The following ZCCHC8 variants were observed in gnomAD, a reference collection of about 807,000 sequenced individuals.
ZCCHC8 encodes the protein zinc finger CCHC-type containing 8, also known as zinc finger CCHC domain-containing protein 8.
ZCCHC8 carries 27 observed loss-of-function variants against 70.6 expected under a neutral mutation model. That is an observed-to-expected ratio of 0.38 (90% CI 0.28 to 0.53). The LOEUF is 0.53. Among genes scored for constraint, ZCCHC8 ranks in the 20% least tolerant of loss-of-function variants. The pLI, the probability that ZCCHC8 is intolerant of heterozygous loss-of-function variation, is 0.81. For missense variants in ZCCHC8, 737 were observed against 876.9 expected (o/e 0.84, Z 2.01); for synonymous variants, 293 against 317.4 (o/e 0.92, Z 0.82).
rs1957353380 is a variant in ZCCHC8, at chr12:122,473,584, T to C, written c.2037A>G (p.Ala679=). The change falls in exon 14 of 14, where the codon GCA becomes GCG. Residue 679 remains alanine, a synonymous_variant. Coordinates refer to ENST00000633063, the MANE Select transcript of ZCCHC8 (RefSeq NM_017612.5). ...TCCTGAGGTACATTCCAGTAGATTCTGCCATATTCTCAAATTCAAATGGCG... is the reference window on the plus strand; with the variant it reads ...TCCTGAGGTACATTCCAGTAGATTCCGCCATATTCTCAAATTCAAATGGCG... ...GITPFEFENM[A]ESTGMYLRIR... is the part of the protein sequence containing the mutation. 6.2e-7 allele frequency: 1 copy of C among 1,614,044 alleles called. No individual in the cohort carries two copies. The highest frequency in any genetic ancestry group is 2.2e-5 in the East Asian group (1 of 44,890).
chr12:122,498,707 C>T (rs1264404994), intron 2 of ZCCHC8, 120 bp downstream of exon 2: 3 of 983,000 alleles, frequency 3.1e-6, no homozygotes, highest in Non-Finnish European at 3.1e-6. Flanking sequence ...TCAGAGTATG[C>T]TAAACAAATA....
rs772612687 is a variant in ZCCHC8 at position 122,474,087 on chromosome 12, C to G, written c.1534G>C (p.Glu512Gln). Residue 512 changes from glutamate to glutamine, a missense_variant, in exon 14 of 14, where the codon GAG (glutamate) becomes CAG (glutamine). Transcript: ENST00000633063. Reference sequence around the variant, plus strand: ...AGTTCTTCTAGAGTCAGTGCGTCCTCATCCACAGCTCCAGATGCTGTTCTG... The same window carrying G: ...AGTTCTTCTAGAGTCAGTGCGTCCTGATCCACAGCTCCAGATGCTGTTCTG... ...QTRTASGAVDEDALTLEELEE... is the reference protein window; with the variant it reads ...QTRTASGAVDQDALTLEELEE... 9.2e-6 allele frequency: 14 copies of G among 1,517,654 alleles called. No individual in the cohort carries two copies. In the South Asian group the frequency reaches 1.8e-4, roughly 19 times the overall value. The allele number at this position is 1,517,654 out of a possible 1,614,324, so 94.0% of individuals were successfully genotyped here. A position where few individuals can be genotyped will look rare whatever the true frequency, so the allele number is the denominator to read the frequency against.
chr12:122,478,112 A>G (rs1487202305), intron 12 of ZCCHC8, 94 bp downstream of exon 12: 1 of 1,302,756 alleles, frequency 7.7e-7, no homozygotes, highest in African/African-American at 1.5e-5. Context: ...TTGTCAAGAT[A>G]ACAAAGCAAG....
chr12:122,480,319 A>G lies in ZCCHC8; in HGVS notation c.1019-8T>C. On this transcript the variant is annotated splice_region_variant and splice_polypyrimidine_tract_variant and intron_variant, in intron 10 of 13. Transcript: ENST00000633063. ...TTTCCCCATCAGTGCCATCTATTAC[A>G]GACCATAAAAAGTGTTAATATTGCT... 1 of 1,603,660 alleles carries G rather than the reference A, an allele frequency of 6.2e-7. No individual in the cohort carries two copies. The highest frequency in any genetic ancestry group is 1.1e-5 in the South Asian group (1 of 89,010).
rs118089218 is a variant in ZCCHC8, at chr12:122,488,475, C to T, written c.501+911G>A. On this transcript the variant is annotated intron_variant, in intron 5 of 13. Transcript: ENST00000633063. ...GGATTACAGATGTGAGCCACTGCAC[C>T]CAGCCTAAAATTGTGGTATACTAAT... Among the ~76,000 whole-genome samples, 1,092 of 152,080 alleles carry T rather than the reference C, an allele frequency of 7.2e-3. 14 individuals are homozygous for T. The highest frequency in any genetic ancestry group is 0.03 in the South Asian group (144 of 4,812).
rs115162699 is a variant in ZCCHC8, at chr12:122,483,603, A to G, written c.502-40T>C. On this transcript the variant is annotated intron_variant, in intron 5 of 13. Transcript: ENST00000633063. The surrounding 1 kb of genome is among the most constrained non-coding windows in gnomAD (Gnocchi z 4.4). ...TCAAAAAATATTGCTATTTAAGCAG[A>G]AAAAAAGACATTAAATAATGTAAGA... is the stretch of plus-strand genomic sequence containing the variant. The G allele has an allele frequency of 1.2e-3, 1,281 of 1,107,034 alleles. 8 individuals are homozygous for G. In the African/African-American group the frequency reaches 0.017, roughly 15 times the overall value. The allele number at this position is 1,107,034 out of a possible 1,614,324, so 68.6% of individuals were successfully genotyped here.
intron 2 of ZCCHC8, 21 bp downstream of exon 2, chr12:122,498,806 G>A: frequency 6.2e-7 from 1 of 1,610,292 alleles, no homozygotes; most frequent in Non-Finnish European, 8.5e-7. Flanking sequence ...CAACTATGGA[G>A]TAATTTCAAA....
At chr12:122,477,451 G>C (rs558098611) in intron 13 of ZCCHC8, among the ~76,000 whole-genome samples, 1 of 144,336 alleles carries the variant, frequency 6.9e-6, no homozygotes, top group South Asian at 2.5e-4. Flanking sequence ...ACCGCGCCCG[G>C]CTTAATTCAT....
intron 2 of ZCCHC8, among the ~76,000 whole-genome samples, chr12:122,496,469 T>C (rs1957827702): frequency 6.6e-6 from 1 of 152,190 alleles, no homozygotes; most frequent in African/African-American, 2.4e-5. Context: ...AGATAAATAT[T>C]AAATGTTTAA....
chr12:122,480,600 T>C (rs1389490733), intron 10 of ZCCHC8: 3 of 231,022 alleles, frequency 1.3e-5, no homozygotes, highest in Non-Finnish European at 2.5e-5. Flanking sequence ...GCCTCCTAAA[T>C]AGCTGGTACT....
chr12:122,477,995 G>T, intron 12 of ZCCHC8, 37 bp from the exon 13 acceptor site: 1 of 1,490,936 alleles, frequency 6.7e-7, no homozygotes, highest in Non-Finnish European at 9.4e-7. Flanking sequence ...AGTTAAGCGG[G>T]GTAGATAATG....
At chr12:122,486,606 G>A (rs1957646445) in intron 5 of ZCCHC8, among the ~76,000 whole-genome samples, 1 of 151,636 alleles carries the variant, frequency 6.6e-6, no homozygotes, top group African/African-American at 2.4e-5. Context: ...GTCTCGCTCT[G>A]TTGCCCAGGC....
At chr12:122,485,303 G>A (rs142068280) in intron 5 of ZCCHC8, among the ~76,000 whole-genome samples, 4 of 152,190 alleles carry the variant, frequency 2.6e-5, no homozygotes, top group African/African-American at 7.2e-5. Flanking sequence ...TAGTAGAGAC[G>A]GGGTTTCTTC....
chr12:122,480,075 G>T (rs908308344), intron 11 of ZCCHC8, 115 bp downstream of exon 11: 8 of 939,438 alleles, frequency 8.5e-6, no homozygotes, highest in African/African-American at 8.3e-5. Flanking sequence ...GACTCCCAAA[G>T]TGTTGGGATT....
chr12:122,483,177 T>C lies in ZCCHC8; in HGVS notation c.671+102A>G. The C allele has an allele frequency of 9.5e-7, 1 of 1,052,160 alleles. No homozygotes were observed. Among genetic ancestry groups the C allele is most frequent in the East Asian group, 2.6e-5 (1 of 38,640 alleles). The allele number at this position is 1,052,160 out of a possible 1,614,324, so 65.2% of individuals were successfully genotyped here. ...TTCTAGCTCAATCTGTAATTAACCT[T>C]AGAGTAAACCAGCAGTAAAGAACAT... On this transcript the variant is annotated intron_variant, in intron 7 of 13. Coordinates refer to ENST00000633063, the MANE Select transcript of ZCCHC8 (RefSeq NM_017612.5). The surrounding 1 kb of genome is among the most constrained non-coding windows in gnomAD (Gnocchi z 4.4).
In ZCCHC8 at chr12:122,500,919, C is replaced by T; in HGVS notation, c.-79G>A. On this transcript the variant is annotated 5_prime_UTR_variant, in exon 1 of 14. The change creates a new upstream start codon in the 5' untranslated region. Transcript: ENST00000633063. The surrounding 1 kb of genome is among the most constrained non-coding windows in gnomAD (Gnocchi z 4.8). ...GGAAGAAGGTTGGAAGGCGGCACCA[C>T]TCTCTAGAGCTCTGGCCGCACGGAG... The T allele has an allele frequency of 2.1e-6, 3 of 1,435,774 alleles. No homozygotes were observed. The highest frequency in any genetic ancestry group is 2.8e-6 in the Non-Finnish European group (3 of 1,058,450). 88.9% of individuals were successfully genotyped at this position (1,435,774 alleles called of 1,614,324 possible).
At chr12:122,492,261 A>G in intron 3 of ZCCHC8, 1 of 164,542 alleles carries the variant, frequency 6.1e-6, no homozygotes, top group Admixed American at 6.5e-5. Flanking sequence ...TTTGCTGTTA[A>G]AACAAATAAT....
rs1482151356 is a variant in ZCCHC8 at position 122,483,076 on chromosome 12, A to C, written c.671+203T>G. 1.7e-6 allele frequency: 1 copy of C among 585,548 alleles called. No individual in the cohort carries two copies. The highest frequency in any genetic ancestry group is 3.0e-6 in the Non-Finnish European group (1 of 338,502). 36.3% of individuals were successfully genotyped at this position (585,548 alleles called of 1,614,324 possible). ...ATTATACCTTTCCACCCACCCAGGC[A>C]CATTAGGTGAGAACCAATGAATTCC... On this transcript the variant is annotated intron_variant, in intron 7 of 13. Coordinates refer to ENST00000633063, the MANE Select transcript of ZCCHC8 (RefSeq NM_017612.5). This position sits in a 1 kb window ranked among gnomAD's most constrained non-coding sequence, Gnocchi z 4.4.
intron 2 of ZCCHC8, among the ~76,000 whole-genome samples, chr12:122,495,895 C>T (rs1428199891): frequency 8.8e-6 from 1 of 113,772 alleles, no homozygotes; most frequent in Admixed American, 1.0e-4. Flanking sequence ...AAAGGAGAAA[C>T]AGACTAAGCC....
Sources: allele counts gnomAD v4.1 joint callset (sites outside exome capture counted in the v4.1 genomes callset), GRCh38; gene constraint gnomAD v4.1.1; non-coding constraint Gnocchi (gnomAD v3.1); transcripts MANE v1.5; gene names NCBI Gene and HGNC (gene_info 2026-07-23, HGNC 2026-07-21).